DLC1: variants seen among roughly 807,000 people sequenced by gnomAD.
The protein encoded by DLC1 is DLC1 Rho GTPase activating protein.
Under a neutral mutation model 140.3 loss-of-function variants are expected in DLC1, and 54 were observed. That is an observed-to-expected ratio of 0.38 (90% CI 0.31 to 0.48). DLC1 has a LOEUF of 0.48. Among genes scored for constraint, DLC1 ranks in the 20% least tolerant of loss-of-function variants. The pLI, the probability that DLC1 is intolerant of heterozygous loss-of-function variation, is 0.96. For missense variants in DLC1, 2,536 were observed against 1,907.0 expected (o/e 1.33, Z -6.14); for synonymous variants, 986 against 728.1 (o/e 1.35, Z -5.70).
At chr8:13,330,423 A>G (rs1833539180) in intron 4 of DLC1, among the ~76,000 whole-genome samples, 3 of 152,344 alleles carry the variant, frequency 2.0e-5, no homozygotes, top group African/African-American at 4.8e-5. Context: ...TTGACTGAAC[A>G]CAAAGGTCTA....
chr8:13,193,480 C>T (rs1826874719), intron 5 of DLC1, among the ~76,000 whole-genome samples: 1 of 152,140 alleles, frequency 6.6e-6, no homozygotes, highest in African/African-American at 2.4e-5. Flanking sequence ...GTACTAAGTA[C>T]AGATATAAAG....
chr8:13,249,934 AT>A (rs540808683), intron 5 of DLC1, among the ~76,000 whole-genome samples: 173 of 152,146 alleles, frequency 1.1e-3, no homozygotes, highest in African/African-American at 4.0e-3. Context: ...CTCTTCCTGA[AT>A]TGTTTTTGCC....
At chr8:13,185,449 A>C (rs1826311568) in intron 5 of DLC1, among the ~76,000 whole-genome samples, 1 of 151,808 alleles carries the variant, frequency 6.6e-6, no homozygotes, top group Admixed American at 6.6e-5. Flanking sequence ...CTGGGACTAC[A>C]GGCGCCCGCC....
At chr8:13,141,028 G>C (rs1288468769) in intron 5 of DLC1, among the ~76,000 whole-genome samples, 2 of 152,088 alleles carry the variant, frequency 1.3e-5, no homozygotes, top group Non-Finnish European at 1.5e-5. Flanking sequence ...GCCGAGGCGT[G>C]TGGATCACGT....
At chr8:13,141,713 T>G (rs148791947) in intron 5 of DLC1, among the ~76,000 whole-genome samples, 1 of 152,174 alleles carries the variant, frequency 6.6e-6, no homozygotes, top group Admixed American at 6.6e-5. Context: ...CCTACACAGC[T>G]CCAGATCATT....
At chr8:13,338,122 G>T (rs996377202) in intron 4 of DLC1, among the ~76,000 whole-genome samples, 1 of 152,112 alleles carries the variant, frequency 6.6e-6, no homozygotes, top group Non-Finnish European at 1.5e-5. Context: ...ACCTGGACTG[G>T]CTGCAATTTT....
chr8:13,448,895 A>C (rs1798920333), intron 2 of DLC1, among the ~76,000 whole-genome samples: 1 of 152,046 alleles, frequency 6.6e-6, no homozygotes, highest in Admixed American at 6.5e-5. Context: ...AGGAAACACC[A>C]GTTTTCGGGA....
rs564323944 is a variant in DLC1 at position 13,352,698 on chromosome 8, A to C, written c.1314+40855T>G. On this transcript the variant is annotated intron_variant, in intron 4 of 17. Coordinates refer to ENST00000276297, the MANE Select transcript of DLC1 (RefSeq NM_182643.3). ...CTCCTGAATTTACTTTTAAGGTATA[A>C]AAATAATAGATTAACTCAGTCATTA... Among the ~76,000 whole-genome samples, 41 of 152,298 alleles carry C rather than the reference A, an allele frequency of 2.7e-4. No homozygotes were observed. The South Asian group carries it at 8.3e-3, about 31-fold the overall frequency.
chr8:13,401,698 T>A lies in DLC1; in HGVS notation c.1024-79A>T. On this transcript the variant is annotated intron_variant, in intron 2 of 17. Transcript: ENST00000276297. Reference sequence around the variant, plus strand: ...ATAAAAAGTTCCCTGTTCTTCAATGTGACAAAAAGTACACTGGATAATAGG... The same window carrying A: ...ATAAAAAGTTCCCTGTTCTTCAATGAGACAAAAAGTACACTGGATAATAGG... 3 of 1,525,168 alleles carry A rather than the reference T, an allele frequency of 2.0e-6. 1 individual carries two copies. Among genetic ancestry groups the A allele is most frequent in the Admixed American group, 2.0e-5 (1 of 49,738 alleles). The allele number at this position is 1,525,168 out of a possible 1,614,324, so 94.5% of individuals were successfully genotyped here. A position where few individuals can be genotyped will look rare whatever the true frequency, so the allele number is the denominator to read the frequency against.
intron 1 of DLC1, among the ~76,000 whole-genome samples, chr8:13,539,487 ACTGCACCCGCCG>A (rs1803412551): frequency 6.6e-6 from 1 of 152,112 alleles, no homozygotes; most frequent in South Asian, 2.1e-4. Flanking sequence ...GGCGTGAGCC[ACTGCACCCGCCG>A]CGAATAGTAT....
intron 5 of DLC1, among the ~76,000 whole-genome samples, chr8:13,303,522 T>G (rs1449721320): frequency 6.6e-6 from 1 of 152,124 alleles, no homozygotes; most frequent in Non-Finnish European, 1.5e-5. Context: ...TAAAAATATT[T>G]TCATGCCAGG....
chr8:13,242,629 G>C (rs1365916990), intron 5 of DLC1, among the ~76,000 whole-genome samples: 2 of 152,112 alleles, frequency 1.3e-5, no homozygotes, highest in Non-Finnish European at 2.9e-5. Flanking sequence ...CTGGGCTCAA[G>C]CGATTCTCCT....
chr8:13,438,658 C>A (rs776861983), intron 2 of DLC1, among the ~76,000 whole-genome samples: 38 of 152,250 alleles, frequency 2.5e-4, no homozygotes, highest in Non-Finnish European at 4.6e-4. Context: ...CACATTGAGT[C>A]CTTCTGCCGA....
intron 1 of DLC1, among the ~76,000 whole-genome samples, chr8:13,582,166 G>T (rs1238221719): frequency 6.6e-6 from 1 of 152,080 alleles, no homozygotes; most frequent in Non-Finnish European, 1.5e-5. Flanking sequence ...TTTTCCAACG[G>T]TTGGGATATG....
intron 2 of DLC1, among the ~76,000 whole-genome samples, chr8:13,410,062 T>A (rs77040936): frequency 0.098 from 14,938 of 152,138 alleles, 848 homozygotes; most frequent in South Asian, 0.14. Flanking sequence ...AAGAATGTCA[T>A]TAATCTCCTA....
chr8:13,097,734 G>A (rs1052901528), intron 10 of DLC1, among the ~76,000 whole-genome samples: 3 of 152,012 alleles, frequency 2.0e-5, no homozygotes, highest in African/African-American at 4.8e-5. Flanking sequence ...TTAATATTGG[G>A]AAGGAGGTGC....
At chr8:13,602,630 G>C (rs1332797215) in intron 1 of DLC1, among the ~76,000 whole-genome samples, 1 of 151,800 alleles carries the variant, frequency 6.6e-6, no homozygotes, top group Non-Finnish European at 1.5e-5. Flanking sequence ...TGAGTACCTA[G>C]AAGTTCACTA....
At chr8:13,586,545 A>C (rs1574297) in intron 1 of DLC1, among the ~76,000 whole-genome samples, 6,091 of 150,858 alleles carry the variant, frequency 0.04, 340 homozygotes, top group Admixed American at 0.12. Context: ...GAGTTTTTTT[A>C]ATTAGACTTT....
upstream of DLC1, among the ~76,000 whole-genome samples, chr8:13,516,705 C>G (rs1197070995): frequency 6.6e-6 from 1 of 152,044 alleles, no homozygotes; most frequent in African/African-American, 2.4e-5. Flanking sequence ...CAACCATAGG[C>G]CAAGAAAGAA....
Sources: allele counts gnomAD v4.1 joint callset (sites outside exome capture counted in the v4.1 genomes callset), GRCh38; gene constraint gnomAD v4.1.1; transcripts MANE v1.5; gene names NCBI Gene and HGNC (gene_info 2026-07-23, HGNC 2026-07-21).